TUBB3: variants seen among roughly 807,000 people sequenced by gnomAD.
TUBB3 encodes tubulin beta-3 chain.
In TUBB3, 17 loss-of-function variants were observed where a neutral mutation model predicts 37.8. That is an observed-to-expected ratio of 0.45 (90% CI 0.31 to 0.67). The LOEUF (loss-of-function observed/expected upper bound fraction) is 0.67. Ranked by LOEUF, TUBB3 falls within the 30% of genes least tolerant of loss-of-function variation. The probability of loss-of-function intolerance (pLI) is 0.07; values close to 1 mark genes in which losing one functional copy is unlikely to be tolerated. For missense variants in TUBB3, 262 were observed against 657.9 expected (o/e 0.40, Z 6.58); for synonymous variants, 332 against 278.9 (o/e 1.19, Z -1.90).
chr16:89,932,652 A>G lies in TUBB3; in HGVS notation c.139A>G (p.Ile47Val). ...CGACTCGGACTTGCAGCTGGAGCGGATCAGCGTCTACTACAACGAGGCCTC... is the reference window on the plus strand; with the variant it reads ...CGACTCGGACTTGCAGCTGGAGCGGGTCAGCGTCTACTACAACGAGGCCTC... ...VGDSDLQLER[I>V]SVYYNEASSH... Residue 47 changes from isoleucine (I) to valine (V), a missense_variant, in exon 2 of 4, where the codon ATC becomes GTC. By Grantham distance (29) the Ile-to-Val change is conservative. This residue lies in a region of TUBB3 where 58 missense variants were observed against 74.2 expected (regional missense o/e 0.78). Coordinates refer to ENST00000315491, the MANE Select transcript of TUBB3 (RefSeq NM_006086.4). The G allele has an allele frequency of 3.1e-6, 5 of 1,614,054 alleles. No homozygotes were observed. Among genetic ancestry groups the G allele is most frequent in the Non-Finnish European group, 4.2e-6 (5 of 1,180,010 alleles).
At chr16:89,934,407 G>A in intron 3 of TUBB3, 1 of 537,658 alleles carries the variant, frequency 1.9e-6, no homozygotes, top group Non-Finnish European at 3.6e-6. Flanking sequence ...TGGGCTCCTG[G>A]CACTGCCAGT....
At chr16:89,928,222 T>A (rs920805399) in intron 1 of TUBB3, among the ~76,000 whole-genome samples, 1 of 151,702 alleles carries the variant, frequency 6.6e-6, no homozygotes, top group African/African-American at 2.4e-5. Flanking sequence ...GCCCAACTAA[T>A]TTTTTTGTTT....
chr16:89,935,039 G>C lies in TUBB3; in HGVS notation c.588G>C (p.Thr196=), dbSNP rs374448137. 6.2e-7 allele frequency: 1 copy of C among 1,614,052 alleles called. No individual in the cohort carries two copies. The highest frequency in any genetic ancestry group is 8.5e-7 in the Non-Finnish European group (1 of 1,180,036). Residue 196 remains threonine (T), a synonymous_variant, in exon 4 of 4, where the codon ACG becomes ACC. Coordinates refer to ENST00000315491, the MANE Select transcript of TUBB3 (RefSeq NM_006086.4). ...TLSIHQLVEN[T]DETYCIDNEA... is the part of the protein sequence containing the mutation. ...CCATCCACCAGCTGGTGGAGAACAC[G>C]GATGAGACCTACTGCATCGACAACG...
intron 3 of TUBB3, 92 bp from the exon 4 acceptor site, chr16:89,934,637 C>A: frequency 7.7e-7 from 1 of 1,295,426 alleles, no homozygotes; most frequent in South Asian, 1.3e-5. Context: ...ATGGGGCTGC[C>A]ACGGCTGCCC....
chr16:89,928,737 G>T lies in TUBB3; in HGVS notation c.58-3834G>T, dbSNP rs528488602. Among the ~76,000 whole-genome samples, 9 of 151,982 alleles carry T rather than the reference G, an allele frequency of 5.9e-5. No individual in the cohort carries two copies. In the South Asian group the frequency reaches 1.5e-3, roughly 25 times the overall value. ...GACAGGGTTTCACTGTGCCAGCCAG[G>T]ATGGTCTCGATCTCCTGACCTCATG... On this transcript the variant is annotated intron_variant, in intron 1 of 3. Transcript: ENST00000315491.
chr16:89,935,342 G>T lies in TUBB3; in HGVS notation c.891G>T (p.Lys297Asn). 1.2e-6 allele frequency: 2 copies of T among 1,613,968 alleles called. No homozygotes were observed. The highest frequency in any genetic ancestry group is 1.7e-6 in the Non-Finnish European group (2 of 1,180,002). ...TCACCCAGCAGATGTTCGATGCCAA[G>T]AACATGATGGCCGCCTGCGACCCGC... is the stretch of plus-strand genomic sequence containing the variant. ...PELTQQMFDA[K>N]NMMAACDPRH... Residue 297 changes from lysine to asparagine, a missense_variant, in exon 4 of 4, where the codon AAG becomes AAT. By Grantham distance (94) the Lys-to-Asn change is moderately conservative (BLOSUM62 0). Coordinates refer to ENST00000315491, the MANE Select transcript of TUBB3 (RefSeq NM_006086.4).
chr16:89,923,405 A>C lies in TUBB3; in HGVS notation c.4A>C (p.Arg2=). Residue 2 remains arginine (R), a synonymous_variant, in exon 1 of 4, where the codon AGG becomes CGG. Transcript: ENST00000315491. The stretch of plus-strand genomic sequence containing the variant: ...CCGCCCGCCAGACGCGCCCAGTATG[A>C]GGGAGATCGTGCACATCCAGGCCGG... M[R]EIVHIQAGQC... 6.6e-7 allele frequency: 1 copy of C among 1,508,116 alleles called. No homozygotes were observed. Among genetic ancestry groups the C allele is most frequent in the Non-Finnish European group, 8.9e-7 (1 of 1,127,628 alleles). 93.4% of individuals were successfully genotyped at this position (1,508,116 alleles called of 1,614,324 possible).
At chr16:89,925,679 T>G (rs190620438) in intron 1 of TUBB3, among the ~76,000 whole-genome samples, 1 of 150,224 alleles carries the variant, frequency 6.7e-6, no homozygotes, top group East Asian at 2.0e-4. Context: ...GGCAAGAGCG[T>G]GTTCCTTTGC....
chr16:89,934,278 C>T (rs3785416), intron 3 of TUBB3: 14,043 of 458,496 alleles, frequency 0.031, 910 homozygotes, highest in African/African-American at 0.13. Context: ...GGGCCGTGGA[C>T]GCGCCACAGA....
intron 1 of TUBB3, chr16:89,931,687 A>T (rs1291124490): frequency 5.0e-6 from 1 of 199,324 alleles, no homozygotes; most frequent in African/African-American, 2.3e-5. Flanking sequence ...ACAGATGAGG[A>T]CACTGAGACA....
chr16:89,931,487 G>A (rs558449183), intron 1 of TUBB3, among the ~76,000 whole-genome samples: 32 of 152,330 alleles, frequency 2.1e-4, no homozygotes, highest in Admixed American at 7.8e-4. Flanking sequence ...CAGACGCAGC[G>A]GCCTCGGCCA....
intron 3 of TUBB3, chr16:89,933,840 T>G (rs1023938995): frequency 1.0e-5 from 7 of 697,722 alleles, no homozygotes; most frequent in Middle Eastern, 2.3e-4. Flanking sequence ...AGAGAGCTGG[T>G]GAGACAGAAC....
At chr16:89,923,142 G>A (rs536874302), upstream of TUBB3, 30 of 174,462 alleles carry the variant, frequency 1.7e-4, no homozygotes, top group South Asian at 4.6e-3. Context: ...CCCTCAGACC[G>A]CGCCCGGCCC....
chr16:89,935,075 C>T lies in TUBB3; in HGVS notation c.624C>T (p.Tyr208=), dbSNP rs1159729194. ...ACTGCATCGACAACGAGGCGCTCTA[C>T]GACATCTGCTTCCGCACCCTCAAGC... The part of the protein sequence containing the change: ...ETYCIDNEAL[Y]DICFRTLKLA... The change falls in exon 4 of 4, where the codon TAC becomes TAT. Residue 208 remains tyrosine (Y), a synonymous_variant. Coordinates refer to ENST00000315491, the MANE Select transcript of TUBB3 (RefSeq NM_006086.4). 6.2e-6 allele frequency: 10 copies of T among 1,614,100 alleles called. No homozygotes were observed. Among genetic ancestry groups the T allele is most frequent in the Admixed American group, 1.7e-5 (1 of 60,008 alleles).
At chr16:89,933,804 A>G (rs1438424820) in intron 3 of TUBB3, 1 of 701,320 alleles carries the variant, frequency 1.4e-6, no homozygotes, top group Non-Finnish European at 2.6e-6. Flanking sequence ...TGAAGTGTAA[A>G]GCAGACAGAA....
chr16:89,923,335 C>T (rs2029951525), upstream of TUBB3: 53 of 1,373,266 alleles, frequency 3.9e-5, 2 homozygotes, highest in South Asian at 6.3e-4. Flanking sequence ...GGCCGCGGTC[C>T]CCGACCCTCA....
intron 2 of TUBB3, chr16:89,932,882 G>C (rs1359985976): frequency 1.5e-5 from 9 of 618,902 alleles, no homozygotes; most frequent in Non-Finnish European, 2.6e-5. Context: ...AGTCACAAAA[G>C]TGAGAGCCAA....
rs376463892 is a variant in TUBB3 at position 89,923,428 on chromosome 16, C to T, written c.27C>T (p.Ala9=). The T allele has an allele frequency of 7.3e-6, 11 of 1,512,460 alleles. No individual in the cohort carries two copies. Among genetic ancestry groups the T allele is most frequent in the Admixed American group, 2.0e-5 (1 of 50,648 alleles). 93.7% of individuals were successfully genotyped at this position (1,512,460 alleles called of 1,614,324 possible). Residue 9 remains alanine, a synonymous_variant, in exon 1 of 4, where the codon GCC becomes GCT. Coordinates refer to ENST00000315491, the MANE Select transcript of TUBB3 (RefSeq NM_006086.4). The part of the protein sequence containing the change: MREIVHIQ[A]GQCGNQIGAK... ...TGAGGGAGATCGTGCACATCCAGGC[C>T]GGCCAGTGCGGCAACCAGATCGGGG... is the stretch of plus-strand genomic sequence containing the variant.
At chr16:89,924,027 A>G (rs1403229253) in intron 1 of TUBB3, among the ~76,000 whole-genome samples, 3 of 152,022 alleles carry the variant, frequency 2.0e-5, no homozygotes, top group African/African-American at 7.2e-5. Context: ...TGGACTCGAG[A>G]TGACCTTGGT....
Sources: allele counts gnomAD v4.1 joint callset (sites outside exome capture counted in the v4.1 genomes callset), GRCh38; gene constraint gnomAD v4.1.1; regional missense constraint gnomAD v4.1.1; transcripts MANE v1.5; gene names NCBI Gene and HGNC (gene_info 2026-07-23, HGNC 2026-07-21).